TBC1D30: variants seen among roughly 807,000 people sequenced by gnomAD.
TBC1D30 encodes TBC1 domain family, member 30.
TBC1D30 carries 31 observed loss-of-function variants against 63.2 expected under a neutral mutation model. That is an observed-to-expected ratio of 0.49 (90% CI 0.37 to 0.66). TBC1D30 has a LOEUF of 0.66. Among genes scored for constraint, TBC1D30 ranks in the 30% least tolerant of loss-of-function variants. The pLI is 0.00. For missense variants in TBC1D30, 810 were observed against 953.6 expected, an observed-to-expected ratio of 0.85 and a Z score of 1.98; for synonymous variants, 307 against 361.5, an observed-to-expected ratio of 0.85 and a Z score of 1.71.
At chr12:64,860,534 T>G (rs935825367) in intron 8 of TBC1D30, among the ~76,000 whole-genome samples, 2 of 152,092 alleles carry the variant, frequency 1.3e-5, no homozygotes, top group African/African-American at 2.4e-5. Context: ...TCTAGCCTAG[T>G]GTGAATAATA....
At chr12:64,819,860 C>T (rs1399739041), upstream of TBC1D30, among the ~76,000 whole-genome samples, 4 of 152,136 alleles carry the variant, frequency 2.6e-5, no homozygotes, top group African/African-American at 9.7e-5. Flanking sequence ...GCTTTTATGC[C>T]ACCAGACCTC....
chr12:64,875,475 C>G lies in TBC1D30; in HGVS notation c.1973C>G (p.Ala658Gly), dbSNP rs1878988837. ...DVSAVQAKLG[A>G]LELNQRDAAA... ...TCTGCAGTTCAGGCGAAGTTGGGAG[C>G]CCTGGAACTGAACCAGAGGGATGCT... is the stretch of plus-strand genomic sequence containing the variant. The change falls in exon 12 of 12, where the codon GCC (alanine) becomes GGC (glycine). Residue 658 changes from alanine to glycine, a missense_variant. By Grantham distance (60) the Ala-to-Gly change is moderately conservative (BLOSUM62 0). Transcript: ENST00000539867. 6.5e-7 allele frequency: 1 copy of G among 1,536,020 alleles called. No homozygotes were observed. Among genetic ancestry groups the G allele is most frequent in the African/African-American group, 1.4e-5 (1 of 73,000 alleles).
intron 1 of TBC1D30, among the ~76,000 whole-genome samples, chr12:64,766,231 A>G (rs1352962747): frequency 1.3e-5 from 2 of 152,154 alleles, no homozygotes; most frequent in Non-Finnish European, 2.9e-5. Flanking sequence ...GGGGTCTACT[A>G]TTTACATAAC....
At chr12:64,797,548 T>C (rs1872352796) in intron 2 of TBC1D30, among the ~76,000 whole-genome samples, 2 of 152,274 alleles carry the variant, frequency 1.3e-5, no homozygotes, top group East Asian at 1.9e-4. Flanking sequence ...ACACATATCA[T>C]GGGGACGACT....
chr12:64,812,217 A>C (rs1873257498), intron 2 of TBC1D30, among the ~76,000 whole-genome samples: 1 of 152,136 alleles, frequency 6.6e-6, no homozygotes, highest in Non-Finnish European at 1.5e-5. Flanking sequence ...CTAGGAAAAA[A>C]TTACCCTATT....
At chr12:64,839,592 A>C (rs1182161483) in intron 7 of TBC1D30, among the ~76,000 whole-genome samples, 1 of 152,244 alleles carries the variant, frequency 6.6e-6, no homozygotes, top group African/African-American at 2.4e-5. Flanking sequence ...ACAACATGTC[A>C]CAAAACTAGT....
rs1309210243 is a variant in TBC1D30 at position 64,870,662 on chromosome 12, T to C, written c.1352T>C (p.Ile451Thr). The C allele has an allele frequency of 3.9e-6, 6 of 1,536,004 alleles. No individual in the cohort carries two copies. The highest frequency in any genetic ancestry group is 5.2e-6 in the Non-Finnish European group (6 of 1,146,892). ...NNIAELSPGA[I>T]NSCRSEYHAA... is the part of the protein sequence containing the mutation. The stretch of plus-strand genomic sequence containing the variant: ...ATTGCAGAGCTGAGTCCAGGAGCAA[T>C]CAATTCCTGTCGAAGTGAATACCAT... Residue 451 changes from isoleucine (I) to threonine (T), a missense_variant, in exon 11 of 12, where the codon ATC becomes ACC. Ile to Thr is a moderately conservative substitution (Grantham distance 89). This residue lies in a region of TBC1D30 where 450 missense variants were observed against 473.0 expected (regional missense o/e 0.95). Transcript: ENST00000539867.
At chr12:64,874,074 T>C (rs1878859800) in intron 11 of TBC1D30, among the ~76,000 whole-genome samples, 1 of 152,162 alleles carries the variant, frequency 6.6e-6, no homozygotes, top group African/African-American at 2.4e-5. Context: ...CAGTGCCTTC[T>C]AGGAGAACAA....
At chr12:64,763,280 C>T (rs762400782) in intron 1 of TBC1D30, among the ~76,000 whole-genome samples, 1 of 152,034 alleles carries the variant, frequency 6.6e-6, no homozygotes. Context: ...GAGATCAAAT[C>T]GAAAGAAATT....
intron 2 of TBC1D30, among the ~76,000 whole-genome samples, chr12:64,811,094 G>A (rs17176841): frequency 0.079 from 11,993 of 152,298 alleles, 651 homozygotes; most frequent in Admixed American, 0.14. Flanking sequence ...TGTAATGCAA[G>A]TCTTAGACAT....
intron 8 of TBC1D30, among the ~76,000 whole-genome samples, chr12:64,856,310 C>T (rs1371539624): frequency 6.6e-6 from 1 of 152,224 alleles, no homozygotes; most frequent in Non-Finnish European, 1.5e-5. Flanking sequence ...CACCAGGCCC[C>T]ACCTCCAACA....
chr12:64,860,017 CTT>C (rs534789255), intron 8 of TBC1D30, among the ~76,000 whole-genome samples: 58 of 137,880 alleles, frequency 4.2e-4, no homozygotes, highest in Admixed American at 6.6e-4. Flanking sequence ...GATTCTTCTT[CTT>C]TTTTTTTTTT....
chr12:64,813,898 GGA>G (rs944062556), intron 2 of TBC1D30, among the ~76,000 whole-genome samples: 1 of 152,086 alleles, frequency 6.6e-6, no homozygotes, highest in Non-Finnish European at 1.5e-5. Context: ...AGGCAGGGGA[GGA>G]GAGAGAGACA....
chr12:64,834,404 C>CTT lies in TBC1D30; in HGVS notation c.595-2067_595-2066dup, dbSNP rs34733475. On this transcript the variant is annotated intron_variant, in intron 5 of 11. Transcript: ENST00000539867. ...GAGCTCTCCCATTATTTAGCCAAAT[C>CTT]TTTTTTTTTTTTTTTTTTTTGAGAT... Among the ~76,000 whole-genome samples the CTT allele has an allele frequency of 2.4e-3, 290 of 120,266 alleles. 4 individuals carry two copies. The highest frequency in any genetic ancestry group is 5.8e-3 in the East Asian group (23 of 3,986). 78.9% of individuals were successfully genotyped at this position (120,266 alleles called of 152,430 possible). A position where few individuals can be genotyped will look rare whatever the true frequency, so the allele number is the denominator to read the frequency against.
chr12:64,853,219 C>T lies in TBC1D30; in HGVS notation c.1038+9734C>T, dbSNP rs190607955. Among the ~76,000 whole-genome samples, 69 of 152,320 alleles carry T rather than the reference C, an allele frequency of 4.5e-4. No individual in the cohort carries two copies. The East Asian group carries it at 5.8e-3, about 13-fold the overall frequency. Reference sequence around the variant, plus strand: ...GGAAGAATGTAGAGAAGCACTCTAGCGACAGCGGCTTTGCCGAGCTGTGGT... The same window carrying T: ...GGAAGAATGTAGAGAAGCACTCTAGTGACAGCGGCTTTGCCGAGCTGTGGT... On this transcript the variant is annotated intron_variant, in intron 8 of 11. Coordinates refer to ENST00000539867, the MANE Select transcript of TBC1D30 (RefSeq NM_015279.2).
chr12:64,830,617 A>G (rs984800697), intron 4 of TBC1D30, 115 bp downstream of exon 4: 12 of 989,110 alleles, frequency 1.2e-5, no homozygotes, highest in Non-Finnish European at 1.6e-5. Context: ...ATGTCTGTAT[A>G]TTTTCTGCCT....
intron 1 of TBC1D30, among the ~76,000 whole-genome samples, chr12:64,764,271 T>C (rs1014872433): frequency 6.6e-6 from 1 of 152,234 alleles, no homozygotes; most frequent in Non-Finnish European, 1.5e-5. Flanking sequence ...ATAAATTGTT[T>C]TAGTAAAATA....
chr12:64,798,589 A>G (rs1257888054), intron 2 of TBC1D30, among the ~76,000 whole-genome samples: 2 of 152,188 alleles, frequency 1.3e-5, no homozygotes, highest in Non-Finnish European at 2.9e-5. Flanking sequence ...AGACTACCTG[A>G]AAGACCTCCT....
chr12:64,775,866 T>C (rs1220754352), upstream of TBC1D30, among the ~76,000 whole-genome samples: 1 of 152,122 alleles, frequency 6.6e-6, no homozygotes, highest in Non-Finnish European at 1.5e-5. Context: ...GTAAAATCAG[T>C]GACATAATCA....
Sources: allele counts gnomAD v4.1 joint callset (sites outside exome capture counted in the v4.1 genomes callset), GRCh38; gene constraint gnomAD v4.1.1; regional missense constraint gnomAD v4.1.1; transcripts MANE v1.5; gene names NCBI Gene and HGNC (gene_info 2026-07-23, HGNC 2026-07-21).